HYDIN: variants seen among roughly 807,000 people sequenced by gnomAD.
HYDIN encodes the protein axonemal central pair apparatus protein HYDIN.
A neutral mutation model predicts 403.9 loss-of-function variants in HYDIN; 132 were observed. The observed-to-expected ratio is 0.33, with a 90% CI of 0.28 to 0.38. The LOEUF (loss-of-function observed/expected upper bound fraction) is 0.38. Among genes scored for constraint, HYDIN ranks in the 10% least tolerant of loss-of-function variants. The probability of loss-of-function intolerance (pLI) is 1.00; values close to 1 mark genes in which losing one functional copy is unlikely to be tolerated. For missense variants in HYDIN, 2,827 were observed against 5,009.5 expected (o/e 0.56, Z 13.15); for synonymous variants, 1,202 against 1,891.7 (o/e 0.64, Z 9.46).
At chr16:71,192,280 A>C (rs1040577166) in intron 1 of HYDIN, among the ~76,000 whole-genome samples, 2 of 151,980 alleles carry the variant, frequency 1.3e-5, no homozygotes, top group Non-Finnish European at 2.9e-5. Context: ...TAATGTCACT[A>C]CCACATCTTG....
chr16:71,049,925 A>T (rs573668840), intron 18 of HYDIN, among the ~76,000 whole-genome samples: 64 of 145,566 alleles, frequency 4.4e-4, no homozygotes, highest in African/African-American at 1.6e-3. Context: ...AGAGAGATGA[A>T]GAGGTGAAAA....
chr16:71,085,562 T>A (rs560773222), intron 12 of HYDIN, among the ~76,000 whole-genome samples: 368 of 152,058 alleles, frequency 2.4e-3, no homozygotes, highest in African/African-American at 8.7e-3. Context: ...GGTATTGACA[T>A]CCCCTACTAT....
intron 1 of HYDIN, among the ~76,000 whole-genome samples, chr16:71,196,358 A>G (rs543624538): frequency 6.6e-6 from 1 of 152,304 alleles, no homozygotes; most frequent in South Asian, 2.1e-4. Context: ...TGAGTGCCTC[A>G]ATAGAACAAA....
intron 12 of HYDIN, among the ~76,000 whole-genome samples, chr16:71,085,002 T>C (rs2082891821): frequency 7.5e-6 from 1 of 133,588 alleles, no homozygotes; most frequent in South Asian, 2.6e-4. Flanking sequence ...TTTGGTTTGC[T>C]AGTATTTTGT....
chr16:71,028,610 G>T (rs2080798852), intron 19 of HYDIN, among the ~76,000 whole-genome samples: 1 of 151,048 alleles, frequency 6.6e-6, no homozygotes, highest in African/African-American at 2.4e-5. Flanking sequence ...ATTTTCTTAG[G>T]GAAAAACTCA....
chr16:71,209,400 T>A (rs1301713154), intron 1 of HYDIN, among the ~76,000 whole-genome samples: 1 of 151,728 alleles, frequency 6.6e-6, no homozygotes, highest in Non-Finnish European at 1.5e-5. Context: ...TACCTCAAAA[T>A]AATGAGAGCT....
intron 47 of HYDIN, among the ~76,000 whole-genome samples, chr16:70,916,628 C>T (rs2076847943): frequency 6.6e-6 from 1 of 152,168 alleles, no homozygotes; most frequent in Non-Finnish European, 1.5e-5. Flanking sequence ...GCTCTATCCA[C>T]CCGAGTTGGA....
intron 45 of HYDIN, among the ~76,000 whole-genome samples, chr16:70,923,769 C>G (rs2077071089): frequency 6.8e-6 from 1 of 147,236 alleles, no homozygotes; most frequent in Non-Finnish European, 1.5e-5. Context: ...TGCAGTGAGC[C>G]GAGATCATGC....
At chr16:71,074,444 G>A (rs1278583772) in intron 13 of HYDIN, among the ~76,000 whole-genome samples, 1 of 151,718 alleles carries the variant, frequency 6.6e-6, no homozygotes, top group Admixed American at 6.6e-5. Flanking sequence ...GCACATGGGA[G>A]GCAGAGGCAG....
chr16:70,813,019 C>T (rs1221418040), intron 84 of HYDIN, among the ~76,000 whole-genome samples: 13 of 151,382 alleles, frequency 8.6e-5, no homozygotes, highest in Non-Finnish European at 1.5e-4. Flanking sequence ...GTGTTGCCAT[C>T]TCGGCTCACT....
intron 10 of HYDIN, among the ~76,000 whole-genome samples, chr16:71,106,498 T>C (rs1427018753): frequency 1.3e-5 from 2 of 152,158 alleles, no homozygotes; most frequent in Non-Finnish European, 2.9e-5. Flanking sequence ...CTGAATTCTA[T>C]GCTTTCTCAG....
At chr16:70,890,158 T>G (rs1185423258) in intron 57 of HYDIN, among the ~76,000 whole-genome samples, 3 of 152,262 alleles carry the variant, frequency 2.0e-5, no homozygotes, top group African/African-American at 7.2e-5. Context: ...TAGGTCTTGG[T>G]AGTTGTTCAC....
At chr16:71,188,898 C>T (rs1344363779) in intron 1 of HYDIN, among the ~76,000 whole-genome samples, 1 of 151,898 alleles carries the variant, frequency 6.6e-6, no homozygotes, top group Non-Finnish European at 1.5e-5. Context: ...GTTCTATAAT[C>T]TAGAAATATT....
chr16:71,040,631 T>G, intron 18 of HYDIN, among the ~76,000 whole-genome samples: 1 of 107,672 alleles, frequency 9.3e-6, no homozygotes, highest in South Asian at 3.6e-4. Context: ...GGAGGCAGGC[T>G]CTCACTGCCA....
chr16:70,956,266 A>G (rs2078232836), intron 39 of HYDIN, among the ~76,000 whole-genome samples: 1 of 152,130 alleles, frequency 6.6e-6, no homozygotes. Context: ...TACAAAAAAA[A>G]AAAAAAGCAG....
chr16:71,096,830 G>A (rs1340945390), intron 10 of HYDIN, among the ~76,000 whole-genome samples: 1 of 104,034 alleles, frequency 9.6e-6, no homozygotes, highest in Non-Finnish European at 1.7e-5. Flanking sequence ...TTTTGATTGA[G>A]TGCTGATCAG....
chr16:71,123,877 C>T (rs1597829603), intron 9 of HYDIN, among the ~76,000 whole-genome samples: 1 of 152,324 alleles, frequency 6.6e-6, no homozygotes, highest in East Asian at 1.9e-4. Context: ...TGCCTTTCAC[C>T]TTCTGCCATG....
At chr16:71,180,020 C>T (rs563148935) in intron 3 of HYDIN, among the ~76,000 whole-genome samples, 1 of 152,150 alleles carries the variant, frequency 6.6e-6, no homozygotes, top group Non-Finnish European at 1.5e-5. Context: ...AAAAAATTGA[C>T]ATGACAAAAA....
At chr16:71,226,749 G>A (rs953290749) in intron 1 of HYDIN, among the ~76,000 whole-genome samples, 2 of 152,068 alleles carry the variant, frequency 1.3e-5, no homozygotes, top group African/African-American at 2.4e-5. Context: ...GAAAACTGAC[G>A]CTCGGGCCTC....
Sources: gnomAD v4.1 joint callset for allele counts (sites outside exome capture counted in the v4.1 genomes callset) on GRCh38, gnomAD v4.1.1 for gene constraint, MANE v1.5 for transcripts, NCBI Gene and HGNC (gene_info 2026-07-23, HGNC 2026-07-21) for gene names.